Variants in PHYHIPL observed in about 807,000 individuals in gnomAD.
PHYHIPL encodes the protein phytanoyl-CoA hydroxylase-interacting protein-like.
A neutral mutation model predicts 33.4 loss-of-function variants in PHYHIPL; 9 were observed. The ratio of observed to expected loss-of-function variants is 0.27; its 90% CI spans 0.16 to 0.47. The LOEUF is 0.47. PHYHIPL is among the 20% of genes least tolerant of loss of function. The probability of loss-of-function intolerance (pLI) is 0.99; values close to 1 mark genes in which losing one functional copy is unlikely to be tolerated. For missense variants in PHYHIPL, 365 were observed against 460.7 expected, an observed-to-expected ratio of 0.79 and a Z score of 1.90; for synonymous variants, 153 against 154.1, an observed-to-expected ratio of 0.99 and a Z score of 0.05.
At chr10:59,230,393 C>G (rs1243360061) in intron 1 of PHYHIPL, among the ~76,000 whole-genome samples, 1 of 151,532 alleles carries the variant, frequency 6.6e-6, no homozygotes, top group Admixed American at 6.6e-5. Context: ...TTTTGCACTT[C>G]TTGTAGAAAC....
chr10:59,243,373 C>G (rs532253090), intron 4 of PHYHIPL, among the ~76,000 whole-genome samples: 1 of 152,182 alleles, frequency 6.6e-6, no homozygotes, highest in African/African-American at 2.4e-5. Context: ...AACAGCATAT[C>G]TATCCTAAAG....
At chr10:59,180,058 C>T (rs1029292295) in intron 1 of PHYHIPL, among the ~76,000 whole-genome samples, 28 of 151,530 alleles carry the variant, frequency 1.8e-4, no homozygotes, top group African/African-American at 6.8e-4. Flanking sequence ...ACTCAAATTG[C>T]ATACATGATG....
intron 1 of PHYHIPL, among the ~76,000 whole-genome samples, chr10:59,194,968 A>C (rs919349486): frequency 2.0e-5 from 3 of 152,158 alleles, no homozygotes; most frequent in African/African-American, 7.2e-5. Flanking sequence ...ATTTTATTTG[A>C]GCATACAGAA....
At chr10:59,176,435 G>C (rs928568104), upstream of PHYHIPL, among the ~76,000 whole-genome samples, 3 of 152,046 alleles carry the variant, frequency 2.0e-5, no homozygotes, top group South Asian at 2.1e-4. Flanking sequence ...TCACGCGCGA[G>C]GTTGCCTTGG....
chr10:59,208,409 C>T (rs186465789), intron 1 of PHYHIPL, among the ~76,000 whole-genome samples: 2 of 152,224 alleles, frequency 1.3e-5, no homozygotes, highest in Admixed American at 6.5e-5. Context: ...ACACAGAAAC[C>T]TCATCTGAAG....
At chr10:59,210,150 G>A (rs1839402683) in intron 1 of PHYHIPL, among the ~76,000 whole-genome samples, 1 of 151,736 alleles carries the variant, frequency 6.6e-6, no homozygotes, top group African/African-American at 2.4e-5. Context: ...GCAACCTACA[G>A]AATGAGAGAA....
At chr10:59,182,391 G>A (rs1838435072) in intron 1 of PHYHIPL, among the ~76,000 whole-genome samples, 2 of 152,110 alleles carry the variant, frequency 1.3e-5, no homozygotes, top group African/African-American at 2.4e-5. Context: ...CACCCAGGCT[G>A]GAATGCAGTG....
chr10:59,202,987 A>C (rs1232277892), intron 1 of PHYHIPL, among the ~76,000 whole-genome samples: 1 of 152,208 alleles, frequency 6.6e-6, no homozygotes, highest in African/African-American at 2.4e-5. Flanking sequence ...TATAGTGATT[A>C]CTAAAAAGGC....
chr10:59,214,771 T>G (rs1410801373), intron 1 of PHYHIPL, among the ~76,000 whole-genome samples: 1 of 152,066 alleles, frequency 6.6e-6, no homozygotes, highest in Non-Finnish European at 1.5e-5. Context: ...ATGAAAAAGC[T>G]TAGAGACAAA....
At chr10:59,177,502 A>C (rs1838286330) in intron 1 of PHYHIPL, 6 of 1,550,946 alleles carry the variant, frequency 3.9e-6, no homozygotes, top group Middle Eastern at 1.7e-4. Context: ...GAGGGCGCAG[A>C]AAAACAGTGC....
intron 1 of PHYHIPL, among the ~76,000 whole-genome samples, chr10:59,219,012 C>G (rs1839691251): frequency 6.6e-6 from 1 of 151,992 alleles, no homozygotes; most frequent in Non-Finnish European, 1.5e-5. Flanking sequence ...CTCACTGCAA[C>G]CTCTGCCTCC....
chr10:59,246,694 G>A lies in PHYHIPL; in HGVS notation c.*1103G>A. On this transcript the variant is annotated 3_prime_UTR_variant, in exon 5 of 5. Transcript: ENST00000373880. The stretch of plus-strand genomic sequence containing the variant: ...CCAAACTTTTCATTTTGTACAGAAG[G>A]ATGAATAACTACAGCTCATGGGAAA... 2.5e-6 allele frequency: 1 copy of A among 397,394 alleles called. No homozygotes were observed. Among genetic ancestry groups the A allele is most frequent in the Admixed American group, 4.4e-5 (1 of 22,702 alleles). The allele number at this position is 397,394 out of a possible 1,614,324, so 24.6% of individuals were successfully genotyped here.
chr10:59,244,600 A>G (rs939402019), intron 4 of PHYHIPL, among the ~76,000 whole-genome samples: 4 of 150,178 alleles, frequency 2.7e-5, no homozygotes, highest in African/African-American at 9.7e-5. Flanking sequence ...AAAACAAAAC[A>G]CAACGCTTTT....
Position 59,176,759 on chromosome 10 carries a change from T to C in PHYHIPL, c.-95T>C, listed in dbSNP as rs1838261539. ...CGTCCCAGGCCTCCTTCCCTCCCTC[T>C]GCCACTCCCCCTCCCTTTCCCGCTC... On this transcript the variant is annotated 5_prime_UTR_variant, in exon 1 of 5. Coordinates refer to ENST00000373880, the MANE Select transcript of PHYHIPL (RefSeq NM_032439.4). 2 of 1,154,750 alleles carry C rather than the reference T, an allele frequency of 1.7e-6. No homozygotes were observed. Among genetic ancestry groups the C allele is most frequent in the South Asian group, 2.9e-5 (2 of 68,298 alleles). The allele number at this position is 1,154,750 out of a possible 1,614,324, so 71.5% of individuals were successfully genotyped here.
At chr10:59,189,613 A>T (rs1468990523) in intron 1 of PHYHIPL, among the ~76,000 whole-genome samples, 1 of 152,034 alleles carries the variant, frequency 6.6e-6, no homozygotes, top group Non-Finnish European at 1.5e-5. Flanking sequence ...AAAGGACACA[A>T]AAATGGATAT....
chr10:59,196,032 G>A (rs1046266597), intron 1 of PHYHIPL, among the ~76,000 whole-genome samples: 2 of 152,082 alleles, frequency 1.3e-5, no homozygotes, highest in African/African-American at 4.8e-5. Flanking sequence ...AGGTACATGT[G>A]TATAATTGGT....
intron 1 of PHYHIPL, among the ~76,000 whole-genome samples, chr10:59,231,201 A>G (rs901958815): frequency 1.3e-5 from 2 of 152,192 alleles, no homozygotes; most frequent in Non-Finnish European, 2.9e-5. Context: ...TAATGCACAC[A>G]GTAATTGAAA....
chr10:59,203,076 A>G (rs1839172466), intron 1 of PHYHIPL, among the ~76,000 whole-genome samples: 1 of 152,174 alleles, frequency 6.6e-6, no homozygotes, highest in African/African-American at 2.4e-5. Flanking sequence ...CAAGAAAAAA[A>G]TCAAACAACC....
chr10:59,245,846 G>A lies in PHYHIPL; in HGVS notation c.*255G>A, dbSNP rs1589308857. On this transcript the variant is annotated 3_prime_UTR_variant, in exon 5 of 5. Coordinates refer to ENST00000373880, the MANE Select transcript of PHYHIPL (RefSeq NM_032439.4). Reference sequence around the variant, plus strand: ...TTTGACACTTTATTGCCTAGATGCTGCAATGTTTTTATGTTTCCTTTATGC... The same window carrying A: ...TTTGACACTTTATTGCCTAGATGCTACAATGTTTTTATGTTTCCTTTATGC... The A allele has an allele frequency of 4.7e-6, 2 of 426,800 alleles. No individual in the cohort carries two copies. Among genetic ancestry groups the A allele is most frequent in the East Asian group, 8.0e-5 (2 of 25,016 alleles). The allele number at this position is 426,800 out of a possible 1,614,324, so 26.4% of individuals were successfully genotyped here.
Sources: gnomAD v4.1 joint callset for allele counts (sites outside exome capture counted in the v4.1 genomes callset) on GRCh38, gnomAD v4.1.1 for gene constraint, MANE v1.5 for transcripts, NCBI Gene and HGNC (gene_info 2026-07-23, HGNC 2026-07-21) for gene names.